The following SYTL5 variants were observed in gnomAD, a reference collection of about 807,000 sequenced individuals.
SYTL5 encodes synaptotagmin like 5, also known as synaptotagmin-like protein 5.
Under a neutral mutation model 55.9 loss-of-function variants are expected in SYTL5, and 34 were observed. That is an observed-to-expected ratio of 0.61 (90% CI 0.46 to 0.81). SYTL5 has a LOEUF of 0.81. Ranked by LOEUF, SYTL5 falls within the 30% of genes least tolerant of loss-of-function variation. SYTL5 has a pLI of 0.00. For missense variants in SYTL5, 637 were observed against 546.7 expected, an observed-to-expected ratio of 1.17 and a Z score of -1.65; for synonymous variants, 221 against 188.7, an observed-to-expected ratio of 1.17 and a Z score of -1.40.
At chrX:38,057,922 T>G (rs1186824226) in intron 3 of SYTL5, among the ~76,000 whole-genome samples, 1 of 111,523 alleles carries the variant, frequency 9.0e-6, no homozygotes, top group Non-Finnish European at 1.9e-5. Context: ...ATGGTATCAT[T>G]TTATGAACAG....
chrX:38,059,982 A>T (rs986795103), intron 3 of SYTL5, among the ~76,000 whole-genome samples: 15 of 111,513 alleles, frequency 1.3e-4, no homozygotes, highest in African/African-American at 4.2e-4. Context: ...ACTCACTTAG[A>T]CAACAGTAAC....
At chrX:37,939,466 T>C in the SYTL5 span, 1 of 111,632 alleles carries the variant, frequency 9.0e-6, no homozygotes, top group Non-Finnish European at 1.9e-5. Context: ...AAGACCTGTA[T>C]AGGGCAGCGG....
At chrX:38,037,244 G>A (rs973523705) in intron 2 of SYTL5, among the ~76,000 whole-genome samples, 7 of 111,657 alleles carry the variant, frequency 6.3e-5, no homozygotes, top group African/African-American at 2.3e-4. Context: ...CTTCCCGTGG[G>A]ATGATGCTGA....
At chrX:37,917,609 T>C in the SYTL5 span, among the ~76,000 whole-genome samples, 1 of 112,459 alleles carries the variant, frequency 8.9e-6, no homozygotes, top group African/African-American at 3.2e-5. Context: ...AAAAGAATAA[T>C]TCAGTAACAT....
chrX:38,007,787 G>T, intron 1 of SYTL5, among the ~76,000 whole-genome samples: 1 of 111,246 alleles, frequency 9.0e-6, no homozygotes, highest in Non-Finnish European at 1.9e-5. Context: ...GTATATATAT[G>T]TACATACCCA....
chrX:38,072,029 C>T lies in SYTL5; in HGVS notation c.330-18C>T. On this transcript the variant is annotated intron_variant, in intron 3 of 16. Transcript: ENST00000297875. ...TAAATAATTGAATTTCAATGCTCTT[C>T]CCTTTTCCCTTGAGTAGGCAGCTAA... The T allele has an allele frequency of 2.7e-6, 3 of 1,107,398 alleles. No homozygotes were observed. 91.3% of individuals were successfully genotyped at this position (1,107,398 alleles called of 1,213,427 possible).
chrX:37,995,104 A>G, the SYTL5 span, among the ~76,000 whole-genome samples: 13 of 109,611 alleles, frequency 1.2e-4, no homozygotes, highest in South Asian at 8.3e-4. Flanking sequence ...ACTGGCTGGG[A>G]TAAAGACGCC....
intron 1 of SYTL5, among the ~76,000 whole-genome samples, chrX:38,033,267 C>T (rs1368749513): frequency 1.1e-4 from 12 of 110,933 alleles, no homozygotes; most frequent in African/African-American, 2.3e-4. Flanking sequence ...GCAAGAGTGG[C>T]GACGTGATGC....
the SYTL5 span, among the ~76,000 whole-genome samples, chrX:37,911,138 T>TA: frequency 4.6e-5 from 5 of 108,542 alleles, no homozygotes. Context: ...GCTAATTTTT[T>TA]AAAAAATATT....
chrX:37,907,059 C>A, the SYTL5 span, among the ~76,000 whole-genome samples: 1 of 112,082 alleles, frequency 8.9e-6, no homozygotes, highest in Non-Finnish European at 1.9e-5. Flanking sequence ...TTAAAAGGAG[C>A]AGAGGAGAGC....
chrX:38,011,712 C>T (rs886204512), intron 1 of SYTL5, among the ~76,000 whole-genome samples: 2 of 111,228 alleles, frequency 1.8e-5, no homozygotes, highest in Non-Finnish European at 3.8e-5. Flanking sequence ...TTAACTGCTG[C>T]TGCTGCCCGT....
At chrX:38,100,828 A>G (rs1030447639) in intron 9 of SYTL5, among the ~76,000 whole-genome samples, 2 of 111,317 alleles carry the variant, frequency 1.8e-5, no homozygotes, top group African/African-American at 6.5e-5. Context: ...GTGTGTGAAC[A>G]TATATACTGT....
chrX:38,125,839 C>T, intron 16 of SYTL5, among the ~76,000 whole-genome samples: 1 of 111,972 alleles, frequency 8.9e-6, no homozygotes, highest in East Asian at 2.8e-4. Context: ...ATTACCAAGA[C>T]AGCATAGGCT....
At chrX:37,968,389 A>G in the SYTL5 span, among the ~76,000 whole-genome samples, 123 of 111,111 alleles carry the variant, frequency 1.1e-3, 2 homozygotes, top group East Asian at 0.031. Flanking sequence ...AAGCCTTTTT[A>G]CCCCCAGACC....
intron 1 of SYTL5, among the ~76,000 whole-genome samples, chrX:38,013,198 T>C (rs1934242678): frequency 8.9e-6 from 1 of 112,693 alleles, no homozygotes; most frequent in Admixed American, 9.4e-5. Context: ...AGGTTATTTC[T>C]AAATCAGTTA....
chrX:37,938,602 AT>A, the SYTL5 span, among the ~76,000 whole-genome samples: 1 of 111,163 alleles, frequency 9.0e-6, no homozygotes, highest in South Asian at 3.8e-4. Context: ...TCATTTTGTC[AT>A]ATTCTCTCTC....
chrX:37,974,416 T>C, the SYTL5 span, among the ~76,000 whole-genome samples: 357 of 111,844 alleles, frequency 3.2e-3, 1 homozygote, highest in African/African-American at 0.011. Context: ...ATGGTTGCCA[T>C]GGGCTGGGTG....
At chrX:37,959,545 T>G in the SYTL5 span, among the ~76,000 whole-genome samples, 6,671 of 111,525 alleles carry the variant, frequency 0.06, 165 homozygotes, top group Middle Eastern at 0.087. Flanking sequence ...GCCATCTGGC[T>G]CAAAGGTTAG....
At chrX:38,076,771 G>T in intron 6 of SYTL5, 70 bp downstream of exon 6, 1 of 1,051,037 alleles carries the variant, frequency 9.5e-7, no homozygotes, top group Non-Finnish European at 1.3e-6. Flanking sequence ...TTCATAGGGG[G>T]ATTTTAGGTA....
Sources: allele counts gnomAD v4.1 joint callset (sites outside exome capture counted in the v4.1 genomes callset), GRCh38; gene constraint gnomAD v4.1.1; transcripts MANE v1.5; gene names NCBI Gene and HGNC (gene_info 2026-07-23, HGNC 2026-07-21).